PIEZO1: variants seen among roughly 807,000 people sequenced by gnomAD.
The protein encoded by PIEZO1 is piezo type mechanosensitive ion channel component 1 (Er blood group).
A neutral mutation model predicts 297.2 loss-of-function variants in PIEZO1; 296 were observed. That is an observed-to-expected ratio of 1.00 (90% CI 0.91 to 1.10). PIEZO1 has a LOEUF of 1.10. Among genes scored for constraint, PIEZO1 ranks in the 50% least tolerant of loss-of-function variants. The probability of loss-of-function intolerance (pLI) is 0.00; values close to 1 mark genes in which losing one functional copy is unlikely to be tolerated. For synonymous variants in PIEZO1, 2,427 were observed against 1,507.5 expected, an observed-to-expected ratio of 1.61 and a Z score of -14.13; for missense variants, 5,018 against 3,455.5, an observed-to-expected ratio of 1.45 and a Z score of -11.34.
At position 88,735,137 on chromosome 16, in the gene PIEZO1, G is replaced by A. The variant is rs1340503603; in HGVS notation, c.1667C>T (p.Thr556Ile). ...CCCGCCTCTGGCCCACCACTCACCT[G>A]TGTCTGCCACGGTGACCTCCGTCAG... The part of the protein sequence containing the change: ...AALTEVTVAD[T>I]EPTRTQTLLQ... Residue 556 changes from threonine (T) to isoleucine (I), a missense_variant and splice_region_variant, in exon 13 of 51, where the codon ACA becomes ATA. Transcript: ENST00000301015. 2 of 1,549,650 alleles carry A rather than the reference G, an allele frequency of 1.3e-6. No individual in the cohort carries two copies. The highest frequency in any genetic ancestry group is 1.7e-4 in the Middle Eastern group (1 of 5,988).
intron 2 of PIEZO1, among the ~76,000 whole-genome samples, chr16:88,748,726 C>T (rs924050970): frequency 2.8e-4 from 42 of 152,170 alleles, no homozygotes; most frequent in South Asian, 1.2e-3. Flanking sequence ...CCCTGCAACA[C>T]GGATCAGAAA....
chr16:88,727,359 A>G (rs370291953), intron 23 of PIEZO1, among the ~76,000 whole-genome samples, 167 bp from the exon 24 acceptor site: 68 of 152,312 alleles, frequency 4.5e-4, no homozygotes, highest in Middle Eastern at 3.4e-3. Flanking sequence ...CCCCGGTGTG[A>G]GGGCATCTGC....
chr16:88,763,276 T>C (rs1907013353), intron 1 of PIEZO1, among the ~76,000 whole-genome samples: 1 of 152,134 alleles, frequency 6.6e-6, no homozygotes, highest in Non-Finnish European at 1.5e-5. Flanking sequence ...TGTGAGCAGC[T>C]CCTGTGTGAA....
Position 88,722,646 on chromosome 16 carries a change from C to A in PIEZO1, c.4712G>T (p.Ser1571Ile). ...GCCTGGCAGCGTGGCCTCGGCCTGG[C>A]TTGTGTACAGCTGATCCAGCACGCC... The part of the protein sequence containing the change: ...HRGVLDQLYT[S>I]QAEATLPGPT... Residue 1571 changes from serine to isoleucine, a missense_variant, in exon 35 of 51, where the codon AGC becomes ATC. Physicochemically the swap from Ser to Ile is moderately radical, Grantham distance 142. Transcript: ENST00000301015. 2 of 1,538,660 alleles carry A rather than the reference C, an allele frequency of 1.3e-6. No homozygotes were observed. Among genetic ancestry groups the A allele is most frequent in the Non-Finnish European group, 1.7e-6 (2 of 1,146,346 alleles).
Position 88,715,384 on chromosome 16 carries a change from A to T in PIEZO1, c.*221T>A. On this transcript the variant is annotated 3_prime_UTR_variant, in exon 51 of 51. Transcript: ENST00000301015. ...ATAAAACATTTTTTAATTAAAAAAA[A>T]AACTCTACAGTACACGTGGGGGACG... 1 of 1,109,408 alleles carries T rather than the reference A, an allele frequency of 9.0e-7. No homozygotes were observed. 68.7% of individuals were successfully genotyped at this position (1,109,408 alleles called of 1,614,324 possible).
Position 88,715,518 on chromosome 16 carries a change from G to T in PIEZO1, c.*87C>A. 7.4e-7 allele frequency: 1 copy of T among 1,351,534 alleles called. No homozygotes were observed. The highest frequency in any genetic ancestry group is 1.0e-6 in the Non-Finnish European group (1 of 991,658). The allele number at this position is 1,351,534 out of a possible 1,614,324, so 83.7% of individuals were successfully genotyped here. On this transcript the variant is annotated 3_prime_UTR_variant, in exon 51 of 51. Coordinates refer to ENST00000301015, the MANE Select transcript of PIEZO1 (RefSeq NM_001142864.4). The stretch of plus-strand genomic sequence containing the variant: ...AGCTGGCGGCCTTGGACGGGGCAGT[G>T]GCTCCCCCGGCCTGAGGAGTGCCGC...
chr16:88,724,425 G>T (rs1904311620), intron 30 of PIEZO1, among the ~76,000 whole-genome samples: 1 of 152,092 alleles, frequency 6.6e-6, no homozygotes, highest in African/African-American at 2.4e-5. Flanking sequence ...CAGCTACTTG[G>T]GAGGCTGAGG....
chr16:88,735,437 ACT>A (rs921430937), intron 12 of PIEZO1, among the ~76,000 whole-genome samples, 191 bp from the exon 13 acceptor site: 39 of 152,224 alleles, frequency 2.6e-4, no homozygotes, highest in South Asian at 1.4e-3. Flanking sequence ...ACGAGCACAC[ACT>A]CTCACATCCA....
At chr16:88,780,330 G>A (rs955654223) in intron 1 of PIEZO1, among the ~76,000 whole-genome samples, 1 of 152,200 alleles carries the variant, frequency 6.6e-6, no homozygotes, top group Non-Finnish European at 1.5e-5. Flanking sequence ...CCTGAAGCCA[G>A]CAGAGGAGCT....
chr16:88,776,554 G>C (rs1291821156), intron 1 of PIEZO1, among the ~76,000 whole-genome samples: 2 of 152,188 alleles, frequency 1.3e-5, no homozygotes, highest in Non-Finnish European at 2.9e-5. Flanking sequence ...CGGCTCCTAT[G>C]TGCACATCTA....
chr16:88,757,675 G>C (rs1906742574), intron 1 of PIEZO1, among the ~76,000 whole-genome samples: 1 of 152,152 alleles, frequency 6.6e-6, no homozygotes, highest in African/African-American at 2.4e-5. Flanking sequence ...CATGACCTGG[G>C]GGTTCCTGGC....
intron 1 of PIEZO1, among the ~76,000 whole-genome samples, chr16:88,777,910 C>T (rs928496582): frequency 7.2e-5 from 11 of 152,212 alleles, no homozygotes; most frequent in African/African-American, 2.4e-4. Context: ...CCACATCTGT[C>T]CCCTCCTTTG....
Position 88,715,642 on chromosome 16 carries a change from G to A in PIEZO1, c.7529C>T (p.Pro2510Leu), listed in dbSNP as rs61745086. 8.4e-3 allele frequency: 13,006 copies of A among 1,550,192 alleles called. 74 individuals are homozygous for A. Among genetic ancestry groups the A allele is most frequent in the Admixed American group, 0.014 (703 of 51,004 alleles). ...ACGAGTCCACTTGATCATGGTCTCC[G>A]GTGAGCGGTAGAGGAAGATGAGCTT... ...YAKLIFLYRS[P>L]ETMIKWTREK... Residue 2510 changes from proline (P) to leucine (L), a missense_variant, in exon 51 of 51, where the codon CCG (proline) becomes CTG (leucine). By Grantham distance (98) the Pro-to-Leu change is moderately conservative. Transcript: ENST00000301015.
chr16:88,750,658 G>A (rs60501040), intron 1 of PIEZO1, among the ~76,000 whole-genome samples: 11,092 of 152,288 alleles, frequency 0.073, 1,345 homozygotes, highest in African/African-American at 0.25. Context: ...TGCCTGCCAC[G>A]TGCTAGCCAG....
chr16:88,743,626 C>T (rs1165617655), intron 2 of PIEZO1: 1 of 456,616 alleles, frequency 2.2e-6, no homozygotes, highest in Non-Finnish European at 4.4e-6. Context: ...GTGACAGACT[C>T]GGGATTGGCC....
chr16:88,722,129 T>C, intron 36 of PIEZO1, 63 bp from the exon 37 acceptor site: 5 of 1,523,216 alleles, frequency 3.3e-6, no homozygotes, highest in Non-Finnish European at 4.4e-6. Flanking sequence ...CGGCCCGATC[T>C]GTTGCCGGTC....
chr16:88,719,750 G>C, intron 43 of PIEZO1, 29 bp from the exon 44 acceptor site: 1 of 1,550,308 alleles, frequency 6.5e-7, no homozygotes, highest in Non-Finnish European at 8.7e-7. Context: ...CCCGTCAGGT[G>C]GGCTCCCTCA....
At chr16:88,761,682 G>A (rs1300023806) in intron 1 of PIEZO1, among the ~76,000 whole-genome samples, 2 of 152,170 alleles carry the variant, frequency 1.3e-5, no homozygotes, top group African/African-American at 2.4e-5. Flanking sequence ...CACCCCACGC[G>A]TGAGACATCC....
Position 88,775,726 on chromosome 16 carries a change from C to CAAA in PIEZO1, c.64+9172_64+9174dup, listed in dbSNP as rs3052234. 1.7e-3 allele frequency among the ~76,000 whole-genome samples: 165 copies of CAAA among 98,562 alleles called. 4 individuals are homozygous for CAAA. Among genetic ancestry groups the CAAA allele is most frequent in the East Asian group, 2.3e-3 (8 of 3,534 alleles). The allele number at this position is 98,562 out of a possible 152,430, so 64.7% of individuals were successfully genotyped here. ...CCTGGGTGGCAGAATAAGACGCTGT[C>CAAA]AAAAAAAAAAAAAAAAAAGAAAAGA... is the stretch of plus-strand genomic sequence containing the variant. On this transcript the variant is annotated intron_variant, in intron 1 of 50. Coordinates refer to ENST00000301015, the MANE Select transcript of PIEZO1 (RefSeq NM_001142864.4).
Sources: allele counts gnomAD v4.1 joint callset (sites outside exome capture counted in the v4.1 genomes callset), GRCh38; gene constraint gnomAD v4.1.1; transcripts MANE v1.5; gene names NCBI Gene and HGNC (gene_info 2026-07-23, HGNC 2026-07-21).